The following CACNA2D1 variants were observed in gnomAD, a reference collection of about 807,000 sequenced individuals.
CACNA2D1 encodes the protein calcium voltage-gated channel auxiliary subunit alpha2delta 1.
In CACNA2D1, 53 loss-of-function variants were observed where a neutral mutation model predicts 171.5. That is an observed-to-expected ratio of 0.31 (90% CI 0.25 to 0.39). The LOEUF is 0.39. CACNA2D1 is among the 10% of genes least tolerant of loss of function. The probability of loss-of-function intolerance (pLI) is 1.00; values close to 1 mark genes in which losing one functional copy is unlikely to be tolerated. For synonymous variants in CACNA2D1, 442 were observed against 443.1 expected (o/e 1.00, Z 0.03); for missense variants, 903 against 1,299.8 (o/e 0.69, Z 4.69).
At chr7:82,277,699 T>C (rs1809529557) in intron 3 of CACNA2D1, among the ~76,000 whole-genome samples, 1 of 147,276 alleles carries the variant, frequency 6.8e-6, no homozygotes, top group Non-Finnish European at 1.5e-5. Flanking sequence ...AACATATAAT[T>C]GAAGATTGTC....
chr7:82,118,762 AAAT>A (rs1160567742), intron 5 of CACNA2D1, among the ~76,000 whole-genome samples: 1 of 152,032 alleles, frequency 6.6e-6, no homozygotes, highest in African/African-American at 2.4e-5. Flanking sequence ...AATAACTTTA[AAAT>A]AATAACGTAC....
At chr7:82,269,121 T>C (rs1416516007) in intron 3 of CACNA2D1, among the ~76,000 whole-genome samples, 1 of 152,198 alleles carries the variant, frequency 6.6e-6, no homozygotes, top group East Asian at 1.9e-4. Context: ...CCCTCTTTCC[T>C]ATATCTCCCA....
At chr7:81,962,594 GA>G (rs1295773587) in intron 34 of CACNA2D1, 99 bp from the exon 35 acceptor site, 1 of 757,038 alleles carries the variant, frequency 1.3e-6, no homozygotes, top group East Asian at 2.7e-5. Context: ...ATCTTTTTGG[GA>G]AAGAAAGTCT....
intron 1 of CACNA2D1, among the ~76,000 whole-genome samples, chr7:82,356,653 A>T (rs1286058669): frequency 1.3e-5 from 2 of 152,048 alleles, no homozygotes; most frequent in East Asian, 3.8e-4. Context: ...CAATTGCACT[A>T]CCATTTTTTT....
chr7:82,436,014 T>C (rs921171248), intron 1 of CACNA2D1, among the ~76,000 whole-genome samples: 2 of 152,206 alleles, frequency 1.3e-5, no homozygotes, highest in African/African-American at 4.8e-5. Flanking sequence ...TCCTTGGTCA[T>C]GCTCTGATGT....
intron 19 of CACNA2D1, 130 bp from the exon 20 acceptor site, chr7:81,995,069 T>A: frequency 1.7e-6 from 1 of 587,022 alleles, no homozygotes; most frequent in Non-Finnish European, 3.1e-6. Flanking sequence ...AGGGGGTTAG[T>A]TTTACCAGTA....
chr7:82,413,438 T>G (rs1484200019), intron 1 of CACNA2D1, among the ~76,000 whole-genome samples: 1 of 152,236 alleles, frequency 6.6e-6, no homozygotes, highest in Admixed American at 6.5e-5. Context: ...TTCACTCTCA[T>G]GACCCACATC....
intron 12 of CACNA2D1, among the ~76,000 whole-genome samples, chr7:82,022,940 G>A (rs186295978): frequency 6.6e-6 from 1 of 151,742 alleles, no homozygotes. Context: ...TTATTAATTT[G>A]AATGTTTTTT....
At chr7:82,432,416 G>C (rs1344357709) in intron 1 of CACNA2D1, among the ~76,000 whole-genome samples, 1 of 152,242 alleles carries the variant, frequency 6.6e-6, no homozygotes, top group East Asian at 1.9e-4. Context: ...TGCCGTGATG[G>C]CAAGTGCCAG....
chr7:82,217,374 C>CAT (rs1801226784), intron 3 of CACNA2D1, among the ~76,000 whole-genome samples: 1 of 109,740 alleles, frequency 9.1e-6, no homozygotes, highest in African/African-American at 3.9e-5. Flanking sequence ...TATATACACA[C>CAT]ATATACACAC....
At chr7:82,397,889 G>A (rs1047267395) in intron 1 of CACNA2D1, among the ~76,000 whole-genome samples, 1 of 152,072 alleles carries the variant, frequency 6.6e-6, no homozygotes, top group Non-Finnish European at 1.5e-5. Flanking sequence ...AAGACTAAAT[G>A]GCTCTTATTA....
At chr7:82,056,009 T>TAAAAAAAAAAA (rs61512655) in intron 10 of CACNA2D1, among the ~76,000 whole-genome samples, 3 of 42,180 alleles carry the variant, frequency 7.1e-5, no homozygotes, top group Non-Finnish European at 8.0e-5. Context: ...ACTCAAAAGT[T>TAAAAAAAAAAA]AAAAAAAAAA....
intron 3 of CACNA2D1, among the ~76,000 whole-genome samples, chr7:82,322,286 A>C (rs1256306592): frequency 6.6e-6 from 1 of 151,816 alleles, no homozygotes; most frequent in African/African-American, 2.4e-5. Flanking sequence ...AAGACCAGAA[A>C]ACTGAAATTC....
In CACNA2D1 at chr7:82,274,855, TATGA is replaced by T. The variant is rs71522608; in HGVS notation, c.294+60276_294+60279del. Among the ~76,000 whole-genome samples the T allele has an allele frequency of 9.1e-3, 1,373 of 150,388 alleles. 19 individuals are homozygous for T. Among genetic ancestry groups the T allele is most frequent in the African/African-American group, 0.031 (1,268 of 40,858 alleles). On this transcript the variant is annotated intron_variant, in intron 3 of 38. Transcript: ENST00000356860. ...TAAATATGTGTTCAATACAGGTATT[TATGA>T]ATGAATGAATGAATGAATGAATGAA...
intron 3 of CACNA2D1, among the ~76,000 whole-genome samples, chr7:82,178,138 G>C (rs1796745724): frequency 6.6e-6 from 1 of 152,018 alleles, no homozygotes; most frequent in African/African-American, 2.4e-5. Context: ...TTTATTTTTC[G>C]ATCTGTGGCC....
intron 3 of CACNA2D1, among the ~76,000 whole-genome samples, chr7:82,269,150 C>T (rs1210356860): frequency 6.6e-6 from 1 of 152,142 alleles, no homozygotes; most frequent in African/African-American, 2.4e-5. Flanking sequence ...ATTTGCAGAA[C>T]TGTTTCCCTT....
intron 24 of CACNA2D1, among the ~76,000 whole-genome samples, chr7:81,980,171 G>GT (rs1218127441): frequency 1.8e-4 from 1 of 5,574 alleles, no homozygotes; most frequent in Non-Finnish European, 3.4e-4. Context: ...CTAAAACCAA[G>GT]CAAAAAAAAA....
intron 1 of CACNA2D1, among the ~76,000 whole-genome samples, chr7:82,408,728 C>G (rs965452505): frequency 3.3e-5 from 5 of 152,128 alleles, no homozygotes; most frequent in Non-Finnish European, 7.3e-5. Flanking sequence ...GGCCTAAATC[C>G]TATTCCATTC....
chr7:82,235,153 A>T (rs6965402), intron 3 of CACNA2D1, among the ~76,000 whole-genome samples: 132,851 of 150,782 alleles, frequency 0.88, 58,694 homozygotes, highest in East Asian at 0.99. Context: ...CTTTTTTTTT[A>T]AAATTAAAAT....
Sources: allele counts gnomAD v4.1 joint callset (sites outside exome capture counted in the v4.1 genomes callset), GRCh38; gene constraint gnomAD v4.1.1; transcripts MANE v1.5; gene names NCBI Gene and HGNC (gene_info 2026-07-23, HGNC 2026-07-21).